Variants in GRM8 observed in about 807,000 individuals in gnomAD.
GRM8 encodes metabotropic glutamate receptor 8.
A neutral mutation model predicts 87.2 loss-of-function variants in GRM8; 47 were observed. The ratio of observed to expected loss-of-function variants is 0.54; its 90% CI spans 0.43 to 0.69. The LOEUF (loss-of-function observed/expected upper bound fraction) is 0.69. Among genes scored for constraint, GRM8 ranks in the 30% least tolerant of loss-of-function variants. The pLI is 0.00. For synonymous variants in GRM8, 396 were observed against 404.5 expected, an observed-to-expected ratio of 0.98 and a Z score of 0.25; for missense variants, 1,019 against 1,139.2, an observed-to-expected ratio of 0.89 and a Z score of 1.52.
At chr7:126,477,190 T>C (rs1214631674) in intron 9 of GRM8, among the ~76,000 whole-genome samples, 2 of 152,220 alleles carry the variant, frequency 1.3e-5, no homozygotes, top group South Asian at 2.1e-4. Context: ...TCTAAAAAAG[T>C]TGAACTTATA....
chr7:127,057,256 G>A (rs1820088566), intron 3 of GRM8, among the ~76,000 whole-genome samples: 1 of 152,260 alleles, frequency 6.6e-6, no homozygotes, highest in East Asian at 1.9e-4. Flanking sequence ...GAAGCAATCA[G>A]AGGGAAAAGT....
chr7:126,619,989 C>A (rs902713826), intron 7 of GRM8, among the ~76,000 whole-genome samples: 1 of 151,964 alleles, frequency 6.6e-6, no homozygotes, highest in Non-Finnish European at 1.5e-5. Flanking sequence ...ATGTGCCCAG[C>A]CAAAAGTGGA....
At chr7:126,517,110 T>C (rs753240031) in intron 9 of GRM8, among the ~76,000 whole-genome samples, 5 of 152,106 alleles carry the variant, frequency 3.3e-5, no homozygotes, top group Non-Finnish European at 5.9e-5. Context: ...CATGAAAATA[T>C]GAAACATTTT....
At chr7:126,875,158 C>G (rs1474152934) in intron 6 of GRM8, among the ~76,000 whole-genome samples, 1 of 151,770 alleles carries the variant, frequency 6.6e-6, no homozygotes. Flanking sequence ...AAAAATAATT[C>G]ATTTAGTTAA....
At chr7:126,893,567 C>T (rs138336184) in intron 6 of GRM8, among the ~76,000 whole-genome samples, 20 of 152,084 alleles carry the variant, frequency 1.3e-4, no homozygotes, top group African/African-American at 4.1e-4. Flanking sequence ...TCTGGCCATA[C>T]ATTATAGACC....
chr7:126,590,497 A>G (rs963959514), intron 8 of GRM8, among the ~76,000 whole-genome samples: 8 of 152,140 alleles, frequency 5.3e-5, no homozygotes, highest in African/African-American at 1.9e-4. Flanking sequence ...AGAGATCTAG[A>G]CATTCAAATA....
At chr7:127,054,811 G>A (rs17867747) in intron 3 of GRM8, among the ~76,000 whole-genome samples, 7,060 of 152,138 alleles carry the variant, frequency 0.046, 313 homozygotes, top group Non-Finnish European at 0.059. Context: ...AGATATGGTA[G>A]TGTACAGATA....
chr7:126,557,423 C>G (rs562253160), intron 8 of GRM8, among the ~76,000 whole-genome samples: 1 of 152,296 alleles, frequency 6.6e-6, no homozygotes, highest in South Asian at 2.1e-4. Flanking sequence ...CACACCAGCA[C>G]AGGGCACTTC....
At chr7:126,642,644 AAAT>A (rs1036032258) in intron 7 of GRM8, among the ~76,000 whole-genome samples, 7 of 151,950 alleles carry the variant, frequency 4.6e-5, no homozygotes, top group Admixed American at 3.3e-4. Flanking sequence ...CATCTAAAAA[AAAT>A]AATAATAATA....
chr7:127,007,708 C>A (rs1427579605), intron 3 of GRM8, among the ~76,000 whole-genome samples: 1 of 152,034 alleles, frequency 6.6e-6, no homozygotes, highest in Non-Finnish European at 1.5e-5. Context: ...CCAAGTGAAA[C>A]TCTATATTAA....
At chr7:126,761,846 C>T (rs1482959351) in intron 7 of GRM8, among the ~76,000 whole-genome samples, 1 of 152,192 alleles carries the variant, frequency 6.6e-6, no homozygotes, top group African/African-American at 2.4e-5. Context: ...CACATCTCGA[C>T]CACCAGAAGA....
intron 6 of GRM8, 150 bp from the exon 7 acceptor site, chr7:126,770,215 G>GT: frequency 1.7e-6 from 1 of 598,268 alleles, no homozygotes. Context: ...ACTGAGTCAG[G>GT]TTTTTAAACT....
intron 9 of GRM8, among the ~76,000 whole-genome samples, chr7:126,490,205 C>T (rs1388971965): frequency 2.6e-5 from 4 of 152,044 alleles, no homozygotes; most frequent in African/African-American, 9.7e-5. Context: ...TAATACATTA[C>T]CCTTACCAAC....
chr7:126,592,104 C>A (rs1256338274), intron 8 of GRM8, among the ~76,000 whole-genome samples: 1 of 150,558 alleles, frequency 6.6e-6, no homozygotes, highest in Non-Finnish European at 1.5e-5. Context: ...CATAAACAGA[C>A]CAATAATGAG....
intron 6 of GRM8, among the ~76,000 whole-genome samples, chr7:126,853,118 A>C (rs1797367158): frequency 6.6e-6 from 1 of 152,188 alleles, no homozygotes; most frequent in Non-Finnish European, 1.5e-5. Context: ...GAATAATACC[A>C]GTAGTACTTG....
intron 3 of GRM8, among the ~76,000 whole-genome samples, chr7:127,071,894 T>C (rs1373556976): frequency 6.6e-6 from 1 of 151,948 alleles, no homozygotes; most frequent in Non-Finnish European, 1.5e-5. Flanking sequence ...AAAATAGAAA[T>C]AGGTATCTTT....
intron 3 of GRM8, among the ~76,000 whole-genome samples, chr7:126,913,313 T>C (rs1803514812): frequency 6.6e-6 from 1 of 152,242 alleles, no homozygotes; most frequent in Non-Finnish European, 1.5e-5. Flanking sequence ...TGTGGTTATA[T>C]AATTTGTTAG....
intron 3 of GRM8, among the ~76,000 whole-genome samples, chr7:126,975,624 T>C (rs1312062102): frequency 6.6e-6 from 1 of 152,212 alleles, no homozygotes; most frequent in Admixed American, 6.5e-5. Flanking sequence ...CTAACACTCC[T>C]GCCCATAGGA....
At chr7:126,977,480 G>GAAGGAAAT (rs1190036602) in intron 3 of GRM8, among the ~76,000 whole-genome samples, 1 of 152,206 alleles carries the variant, frequency 6.6e-6, no homozygotes, top group African/African-American at 2.4e-5. Context: ...AATATCTGGA[G>GAAGGAAAT]AAGGAAATAA....
Sources: gnomAD v4.1 joint callset for allele counts (sites outside exome capture counted in the v4.1 genomes callset) on GRCh38, gnomAD v4.1.1 for gene constraint, MANE v1.5 for transcripts, NCBI Gene and HGNC (gene_info 2026-07-23, HGNC 2026-07-21) for gene names.